ZNF717: variants seen among roughly 807,000 people sequenced by gnomAD.
The protein encoded by ZNF717 is zinc finger protein 717.
In ZNF717, 9 loss-of-function variants were observed where a neutral mutation model predicts 13.8. That is an observed-to-expected ratio of 0.65 (90% CI 0.39 to 1.14). The LOEUF (loss-of-function observed/expected upper bound fraction) is 1.14, where lower values mean the gene tolerates loss of function less well. Ranked by LOEUF, ZNF717 falls within the 50% of genes most tolerant of loss-of-function variation. The pLI, the probability that ZNF717 is intolerant of heterozygous loss-of-function variation, is 0.01. For synonymous variants in ZNF717, 327 were observed against 364.1 expected (o/e 0.90, Z 1.16); for missense variants, 1,040 against 1,080.7 (o/e 0.96, Z 0.53).
chr3:75,747,263 C>A (rs1211052140), intron 2 of ZNF717, among the ~76,000 whole-genome samples: 1 of 152,050 alleles, frequency 6.6e-6, no homozygotes. Flanking sequence ...GTTACTGTAG[C>A]CTTGTAGTAT....
downstream of ZNF717, among the ~76,000 whole-genome samples, chr3:75,731,856 T>C (rs1273581493): frequency 2.6e-5 from 4 of 152,200 alleles, no homozygotes; most frequent in Admixed American, 1.3e-4. Context: ...GCCCCCAAGA[T>C]TGGAGAGATA....
downstream of ZNF717, among the ~76,000 whole-genome samples, chr3:75,726,849 T>G (rs796796011): frequency 6.7e-6 from 1 of 150,342 alleles, no homozygotes; most frequent in Non-Finnish European, 1.5e-5. Flanking sequence ...CAAAAACCAC[T>G]GATGCTCAAG....
intron 2 of ZNF717, among the ~76,000 whole-genome samples, chr3:75,759,175 G>A (rs1192628302): frequency 1.3e-5 from 2 of 152,134 alleles, no homozygotes; most frequent in East Asian, 3.9e-4. Context: ...TATTGCAGTG[G>A]TCTGGAACCA....
In ZNF717 at chr3:75,739,019, T is replaced by A. The variant is rs1470023687; in HGVS notation, c.604A>T (p.Ile202Phe). The A allele has an allele frequency of 6.4e-7, 1 of 1,551,586 alleles. No individual in the cohort carries two copies. Among genetic ancestry groups the A allele is most frequent in the East Asian group, 2.4e-5 (1 of 40,902 alleles). Reference sequence around the variant, plus strand: ...TGAAAAGTCTGCAGCAGAGTTTGAATCTTGTGATGCTGAGTAAGATGTTCA... The same window carrying A: ...TGAAAAGTCTGCAGCAGAGTTTGAAACTTGTGATGCTGAGTAAGATGTTCA... ...HHEHLTQHHK[I>F]QTLLQTFQCN... The change falls in exon 5 of 5, where the codon ATT becomes TTT. Residue 202 changes from isoleucine (I) to phenylalanine (F), a missense_variant. This residue lies in a region of ZNF717 where 873 missense variants were observed against 832.8 expected (regional missense o/e 1.05). Coordinates refer to ENST00000652011, the MANE Select transcript of ZNF717 (RefSeq NM_001290208.3).
chr3:75,703,043 A>AC (rs1553651609), intron 6 of ZNF717, among the ~76,000 whole-genome samples: 1 of 151,916 alleles, frequency 6.6e-6, no homozygotes, highest in Admixed American at 6.6e-5. Context: ...CCACTGAATA[A>AC]CACATTTCAA....
intron 6 of ZNF717, among the ~76,000 whole-genome samples, chr3:75,696,417 C>G (rs2106798578): frequency 6.6e-6 from 1 of 152,310 alleles, no homozygotes; most frequent in East Asian, 1.9e-4. Context: ...CAGACAGAGA[C>G]ACATTAAAAA....
intron 5 of ZNF717, chr3:75,711,382 T>C (rs1483071797): frequency 1.3e-5 from 2 of 152,264 alleles, no homozygotes; most frequent in African/African-American, 4.8e-5. Flanking sequence ...ATCATCTTCG[T>C]GAACCACTTA....
chr3:75,777,338 C>A lies in ZNF717; in HGVS notation c.57+5968G>T, dbSNP rs182102651. 2.4e-5 allele frequency among the ~76,000 whole-genome samples: 3 copies of A among 124,182 alleles called. No homozygotes were observed. In the East Asian group the frequency reaches 6.6e-4, roughly 27 times the overall value. The allele number at this position is 124,182 out of a possible 152,430, so 81.5% of individuals were successfully genotyped here. ...AACAATGGCAGTGACGTGCTAAAACCAGAAACCAAAAACAAATGGGAGTGA... is the reference window on the plus strand; with the variant it reads ...AACAATGGCAGTGACGTGCTAAAACAAGAAACCAAAAACAAATGGGAGTGA... On this transcript the variant is annotated intron_variant, in intron 2 of 4. Coordinates refer to ENST00000652011, the MANE Select transcript of ZNF717 (RefSeq NM_001290208.3).
In ZNF717 at chr3:75,769,259, C is replaced by T. The variant is rs150761282; in HGVS notation, c.57+14047G>A. Among the ~76,000 whole-genome samples the T allele has an allele frequency of 9.6e-3, 1,459 of 152,198 alleles. 28 individuals carry two copies. The highest frequency in any genetic ancestry group is 0.034 in the African/African-American group (1,413 of 41,516). On this transcript the variant is annotated intron_variant, in intron 2 of 4. Coordinates refer to ENST00000652011, the MANE Select transcript of ZNF717 (RefSeq NM_001290208.3). ...TCTTGGACACACACCCTGGGAGAAG[C>T]CAGACAAACCTGACTACCTGACGAT...
intron 2 of ZNF717, among the ~76,000 whole-genome samples, chr3:75,742,387 T>C (rs1483562474): frequency 2.7e-5 from 4 of 150,540 alleles, no homozygotes; most frequent in Non-Finnish European, 5.9e-5. Flanking sequence ...GTTATGAATA[T>C]ATAAGTATAA....
At chr3:75,723,247 ACT>A (rs1938203468) in intron 4 of ZNF717, among the ~76,000 whole-genome samples, 1 of 24,286 alleles carries the variant, frequency 4.1e-5, no homozygotes, top group African/African-American at 1.3e-4. Flanking sequence ...AGACAATCTC[ACT>A]TTTTTTTTTT....
chr3:75,741,298 TTCTTCTACTATCCATGGC>T lies in ZNF717; in HGVS notation c.237_254del (p.Pro80_Glu85del). ...GACCTGAAAGTCTCAGGTTTGGGGT[TTCTTCTACTATCCATGGC>T]TCTGCTCCTTGCTCTAGCTTGAAGA... is the stretch of plus-strand genomic sequence containing the variant. On this transcript the variant is annotated inframe_deletion, in exon 4 of 5. Coordinates refer to ENST00000652011, the MANE Select transcript of ZNF717 (RefSeq NM_001290208.3). 1 of 1,548,938 alleles carries T rather than the reference TTCTTCTACTATCCATGGC, an allele frequency of 6.5e-7. No individual in the cohort carries two copies. Among genetic ancestry groups the T allele is most frequent in the East Asian group, 2.4e-5 (1 of 40,904 alleles).
chr3:75,765,057 G>GTGTGTC (rs1943357049), intron 2 of ZNF717, among the ~76,000 whole-genome samples: 1 of 85,838 alleles, frequency 1.2e-5, no homozygotes, highest in Admixed American at 1.1e-4. Context: ...GTGTGTGTGT[G>GTGTGTC]TATATGTACA....
intron 4 of ZNF717, among the ~76,000 whole-genome samples, chr3:75,719,748 G>A (rs1429562210): frequency 8.5e-5 from 13 of 152,206 alleles, no homozygotes; most frequent in Non-Finnish European, 1.8e-4. Flanking sequence ...CCTGAAGTCA[G>A]GAGTTCGAGA....
intron 4 of ZNF717, among the ~76,000 whole-genome samples, chr3:75,723,712 G>T (rs1331580630): frequency 1.3e-5 from 2 of 152,164 alleles, no homozygotes; most frequent in Non-Finnish European, 2.9e-5. Flanking sequence ...TGGTCTAGCG[G>T]TAACACCAGC....
chr3:75,766,597 G>A (rs910520139), intron 2 of ZNF717, among the ~76,000 whole-genome samples: 14 of 152,154 alleles, frequency 9.2e-5, no homozygotes, highest in Non-Finnish European at 1.6e-4. Context: ...AATTATAGCT[G>A]GTGAATTAAT....
chr3:75,730,746 C>A (rs900014509), intron 5 of ZNF717: 378 of 612,858 alleles, frequency 6.2e-4, no homozygotes, highest in African/African-American at 5.1e-3. Context: ...CTAATATTTA[C>A]AAACAGAAAT....
At chr3:75,703,530 A>AAAT (rs1553651643) in intron 6 of ZNF717, among the ~76,000 whole-genome samples, 3 of 151,226 alleles carry the variant, frequency 2.0e-5, no homozygotes, top group Non-Finnish European at 3.0e-5. Context: ...CTCTGTCTCA[A>AAAT]AATAATAATA....
Position 75,737,548 on chromosome 3 carries a change from T to C in ZNF717, c.2075A>G (p.Tyr692Cys). 3 of 1,551,920 alleles carry C rather than the reference T, an allele frequency of 1.9e-6. No homozygotes were observed. The South Asian group carries it at 3.6e-5, about 18-fold the overall frequency. Residue 692 changes from tyrosine to cysteine, a missense_variant, in exon 5 of 5, where the codon TAC (tyrosine) becomes TGC (cysteine). Tyr to Cys is a radical substitution (Grantham distance 194). Around this residue, in one of 3 missense-constraint regions of ZNF717, gnomAD observed 873 missense variants for 832.8 expected, o/e 1.05. Coordinates refer to ENST00000652011, the MANE Select transcript of ZNF717 (RefSeq NM_001290208.3). ...TTTCCCCGGTGTGAGTTCTCTGATG[T>C]ATAATAAGGTATGATTTCTGACAAA... ...KLFVRNHTLLYIRELTPGKSP... is the reference protein window; with the variant it reads ...KLFVRNHTLLCIRELTPGKSP...
Sources: allele counts gnomAD v4.1 joint callset (sites outside exome capture counted in the v4.1 genomes callset), GRCh38; gene constraint gnomAD v4.1.1; regional missense constraint gnomAD v4.1.1; transcripts MANE v1.5; gene names NCBI Gene and HGNC (gene_info 2026-07-23, HGNC 2026-07-21).